Variants in DCAF1 observed in about 807,000 individuals in gnomAD.
DCAF1 encodes the protein DDB1 and CUL4 associated factor 1, also known as DDB1- and CUL4-associated factor 1.
A neutral mutation model predicts 128.0 loss-of-function variants in DCAF1; 15 were observed. The observed-to-expected ratio is 0.12, with a 90% CI of 0.08 to 0.18. The LOEUF (loss-of-function observed/expected upper bound fraction) is 0.18. Among genes scored for constraint, DCAF1 ranks in the 10% least tolerant of loss-of-function variants. DCAF1 has a pLI of 1.00. For missense variants in DCAF1, 988 were observed against 1,649.5 expected, an observed-to-expected ratio of 0.60 and a Z score of 6.95; for synonymous variants, 610 against 603.0, an observed-to-expected ratio of 1.01 and a Z score of -0.17.
upstream of DCAF1, among the ~76,000 whole-genome samples, chr3:51,504,464 C>A (rs572072068): frequency 2.8e-3 from 419 of 152,236 alleles, no homozygotes; most frequent in Non-Finnish European, 4.8e-3. Flanking sequence ...TCTCCTGCCT[C>A]AGCCTCCTGA....
At chr3:51,407,513 T>TG (rs1451911540) in intron 23 of DCAF1, among the ~76,000 whole-genome samples, 1 of 152,282 alleles carries the variant, frequency 6.6e-6, no homozygotes, top group East Asian at 1.9e-4. Flanking sequence ...GACTCCAAAA[T>TG]GGAGTGGAAA....
At chr3:51,396,651 G>C (rs1441834408), downstream of DCAF1, 1 of 167,122 alleles carries the variant, frequency 6.0e-6, no homozygotes, top group Non-Finnish European at 1.5e-5. Flanking sequence ...TTCAGCCCTG[G>C]TAGAATAAGG....
Position 51,414,007 on chromosome 3 carries a change from G to A in DCAF1, c.3874C>T (p.Pro1292Ser). The stretch of plus-strand genomic sequence containing the variant: ...ACCACGCGACACTGATCCAGAGCGG[G>A]AACAGTATGCAAAAGATGAAAAGTT... ...LRTFHLLHTV[P>S]ALDQCRVVFN... The change falls in exon 20 of 25, where the codon CCC becomes TCC. Residue 1292 changes from proline to serine, a missense_variant. Pro to Ser is a moderately conservative substitution (Grantham distance 74). Coordinates refer to ENST00000684031, the MANE Select transcript of DCAF1 (RefSeq NM_001387579.1). The A allele has an allele frequency of 6.2e-7, 1 of 1,604,222 alleles. No homozygotes were observed. Among genetic ancestry groups the A allele is most frequent in the Non-Finnish European group, 8.5e-7 (1 of 1,175,906 alleles).
intron 23 of DCAF1, among the ~76,000 whole-genome samples, chr3:51,406,037 G>GAAAACA (rs1176512645): frequency 8.7e-5 from 13 of 150,284 alleles, no homozygotes; most frequent in South Asian, 2.1e-4. Flanking sequence ...CCATTTCTTT[G>GAAAACA]AAAACAAAAA....
At chr3:51,462,470 G>A (rs1433061489) in intron 6 of DCAF1, among the ~76,000 whole-genome samples, 3 of 151,970 alleles carry the variant, frequency 2.0e-5, no homozygotes, top group Non-Finnish European at 2.9e-5. Context: ...TACTGGCCAG[G>A]TGCGATGGCT....
chr3:51,408,431 G>C (rs1698099692), intron 23 of DCAF1, among the ~76,000 whole-genome samples: 1 of 152,218 alleles, frequency 6.6e-6, no homozygotes, highest in Non-Finnish European at 1.5e-5. Flanking sequence ...GAAGACCTGA[G>C]AACAGATATC....
At chr3:51,435,650 G>A (rs1553636483) in intron 9 of DCAF1, among the ~76,000 whole-genome samples, 1 of 150,544 alleles carries the variant, frequency 6.6e-6, no homozygotes, top group African/African-American at 2.4e-5. Flanking sequence ...GGCCAGGGTT[G>A]CAGTGAGCAG....
rs551355175 is a variant in DCAF1 at position 51,428,865 on chromosome 3, T to C, written c.1677+396A>G. Among the ~76,000 whole-genome samples the C allele has an allele frequency of 4.9e-3, 745 of 152,068 alleles. 7 individuals are homozygous for C. Among genetic ancestry groups the C allele is most frequent in the African/African-American group, 0.017 (707 of 41,486 alleles). The stretch of plus-strand genomic sequence containing the variant: ...TTTAAAAATTAGCTGGGTGTGGTGG[T>C]GTGTGCCTATAGTCCCCCAACTACT... On this transcript the variant is annotated intron_variant, in intron 12 of 24. Transcript: ENST00000684031.
intron 2 of DCAF1, among the ~76,000 whole-genome samples, chr3:51,493,853 C>T (rs371091324): frequency 2.0e-5 from 3 of 151,746 alleles, no homozygotes; most frequent in Admixed American, 6.6e-5. Flanking sequence ...AAAAATTAGC[C>T]GGGCGTGGTG....
intron 3 of DCAF1, among the ~76,000 whole-genome samples, chr3:51,473,781 A>G (rs1553649372): frequency 6.6e-6 from 1 of 150,734 alleles, no homozygotes; most frequent in African/African-American, 2.4e-5. Context: ...GATTACAGGC[A>G]TTGAGCCACC....
In DCAF1 at chr3:51,441,022, T is replaced by C. The variant is rs782790574; in HGVS notation, c.1076A>G (p.Tyr359Cys). The change falls in exon 9 of 25, where the codon TAT becomes TGT. Residue 359 changes from tyrosine to cysteine, a missense_variant. Physicochemically the swap from Tyr to Cys is radical, Grantham distance 194. This residue lies in a region of DCAF1 where 185 missense variants were observed against 248.1 expected (regional missense o/e 0.75). Coordinates refer to ENST00000684031, the MANE Select transcript of DCAF1 (RefSeq NM_001387579.1). ...ATCATTAGTTTGCTTCAGGTCAATA[T>C]AGAACATCATCAGCTCCCGTGATCC... Reference protein sequence around the residue: ...QLGSRELMMFYIDLKQTNDVL... With the variant: ...QLGSRELMMFCIDLKQTNDVL... The C allele has an allele frequency of 9.3e-6, 15 of 1,613,030 alleles. No individual in the cohort carries two copies. Among genetic ancestry groups the C allele is most frequent in the Admixed American group, 8.3e-5 (5 of 59,904 alleles).
intron 15 of DCAF1, among the ~76,000 whole-genome samples, chr3:51,419,400 G>T (rs926444846): frequency 4.0e-5 from 6 of 151,842 alleles, no homozygotes; most frequent in African/African-American, 1.5e-4. Context: ...CTGTGATCCC[G>T]TAACCTTTAT....
At chr3:51,503,612 G>T (rs1249344729), upstream of DCAF1, among the ~76,000 whole-genome samples, 2 of 152,092 alleles carry the variant, frequency 1.3e-5, no homozygotes, top group African/African-American at 4.8e-5. Context: ...CAGCAGTGTC[G>T]CAGGAGCCAC....
At chr3:51,449,409 G>A (rs996994456) in intron 6 of DCAF1, among the ~76,000 whole-genome samples, 2 of 152,158 alleles carry the variant, frequency 1.3e-5, no homozygotes, top group African/African-American at 4.8e-5. Context: ...GTTTCACCAT[G>A]TTGCCCAGGC....
chr3:51,477,408 TTAAAA>T (rs1307598322), intron 3 of DCAF1, among the ~76,000 whole-genome samples: 1 of 150,410 alleles, frequency 6.6e-6, no homozygotes, highest in African/African-American at 2.4e-5. Flanking sequence ...TTACCCCTGA[TTAAAA>T]TAAAATAAAC....
rs1553629515 is a variant in DCAF1, at chr3:51,414,027, A to T, written c.3854T>A (p.Phe1285Tyr). 6.2e-7 allele frequency: 1 copy of T among 1,604,284 alleles called. No homozygotes were observed. ...INTEIWDLRTFHLLHTVPALD... is the reference protein window; with the variant it reads ...INTEIWDLRTYHLLHTVPALD... ...AGCGGGAACAGTATGCAAAAGATGA[A>T]AAGTTCGAAGGTCCCACTAGGAGGG... The change falls in exon 20 of 25, where the codon TTT becomes TAT. Residue 1285 changes from phenylalanine (F) to tyrosine (Y), a missense_variant. Physicochemically the swap from Phe to Tyr is conservative, Grantham distance 22 (BLOSUM62 3). Around this residue, in one of 11 missense-constraint regions of DCAF1, gnomAD observed 85 missense variants for 204.6 expected, o/e 0.42. Coordinates refer to ENST00000684031, the MANE Select transcript of DCAF1 (RefSeq NM_001387579.1).
At chr3:51,410,970 C>A (rs1002323915) in intron 23 of DCAF1, among the ~76,000 whole-genome samples, 10 of 151,976 alleles carry the variant, frequency 6.6e-5, no homozygotes, top group Admixed American at 1.3e-4. Flanking sequence ...CCAGCCTGGC[C>A]AACATTGTGA....
At chr3:51,482,731 C>G (rs1230595527) in intron 3 of DCAF1, among the ~76,000 whole-genome samples, 2 of 141,272 alleles carry the variant, frequency 1.4e-5, no homozygotes, top group Non-Finnish European at 3.0e-5. Flanking sequence ...TGCCATTGCA[C>G]TCCAGCCCAG....
intron 4 of DCAF1, among the ~76,000 whole-genome samples, chr3:51,470,241 G>C (rs188127987): frequency 1.3e-5 from 2 of 152,004 alleles, no homozygotes; most frequent in Non-Finnish European, 1.5e-5. Flanking sequence ...TGAAGGCACA[G>C]AGAAGAACAC....
Sources: gnomAD v4.1 joint callset for allele counts (sites outside exome capture counted in the v4.1 genomes callset) on GRCh38, gnomAD v4.1.1 for gene constraint, gnomAD v4.1.1 regional missense constraint, MANE v1.5 for transcripts, NCBI Gene and HGNC (gene_info 2026-07-23, HGNC 2026-07-21) for gene names.